PUM3: variants seen among roughly 807,000 people sequenced by gnomAD.
The protein encoded by PUM3 is pumilio homolog 3.
A neutral mutation model predicts 84.0 loss-of-function variants in PUM3; 91 were observed. That is an observed-to-expected ratio of 1.08 (90% CI 0.91 to 1.29). PUM3 has a LOEUF of 1.29. Among genes scored for constraint, PUM3 ranks in the 50% most tolerant of loss-of-function variants. PUM3 has a pLI of 0.00. For missense variants in PUM3, 1,067 were observed against 767.5 expected, an observed-to-expected ratio of 1.39 and a Z score of -4.61; for synonymous variants, 321 against 266.7, an observed-to-expected ratio of 1.20 and a Z score of -1.98.
intron 5 of PUM3, 148 bp downstream of exon 5, chr9:2,833,209 T>C (rs1260665027): frequency 4.8e-6 from 2 of 419,130 alleles, no homozygotes; most frequent in Non-Finnish European, 8.6e-6. Context: ...AATTTTTATG[T>C]AGTTCAGTGT....
At chr9:2,806,906 T>C (rs1390531374) in intron 17 of PUM3, among the ~76,000 whole-genome samples, 1 of 152,066 alleles carries the variant, frequency 6.6e-6, no homozygotes, top group African/African-American at 2.4e-5. Flanking sequence ...GGGATGTAAG[T>C]TATTCATTAA....
intron 13 of PUM3, among the ~76,000 whole-genome samples, chr9:2,816,109 A>G (rs929595035): frequency 6.6e-6 from 1 of 151,800 alleles, no homozygotes; most frequent in African/African-American, 2.4e-5. Context: ...CAACCCATCC[A>G]TGGTGCTGAA....
chr9:2,822,727 ACAT>A (rs1815686477), intron 12 of PUM3, among the ~76,000 whole-genome samples: 1 of 109,962 alleles, frequency 9.1e-6, no homozygotes, highest in Non-Finnish European at 2.0e-5. Context: ...TATATTTATA[ACAT>A]AATAATATAA....
chr9:2,828,716 A>C lies in PUM3; in HGVS notation c.915T>G (p.Ile305Met), dbSNP rs555602821. Reference protein sequence around the residue: ...LEVQPEKLELIMDEMKQILTP... With the variant: ...LEVQPEKLELMMDEMKQILTP... ...TTAGAATCTGTTTCATTTCATCCATAATAAGTTCTAATTTTTCTGGCTGTA... is the reference window on the plus strand; with the variant it reads ...TTAGAATCTGTTTCATTTCATCCATCATAAGTTCTAATTTTTCTGGCTGTA... The change falls in exon 9 of 18, where the codon ATT (isoleucine) becomes ATG (methionine). Residue 305 changes from isoleucine (I) to methionine (M), a missense_variant. Physicochemically the swap from Ile to Met is conservative, Grantham distance 10. Transcript: ENST00000397885. The C allele has an allele frequency of 1.1e-5, 17 of 1,608,762 alleles. No individual in the cohort carries two copies. In the East Asian group the frequency reaches 2.0e-4, roughly 19 times the overall value.
chr9:2,842,191 T>G (rs965100314), intron 1 of PUM3, among the ~76,000 whole-genome samples: 2 of 152,202 alleles, frequency 1.3e-5, no homozygotes, highest in African/African-American at 2.4e-5. Flanking sequence ...TTCAATAGTG[T>G]CTCTTGGAAT....
intron 8 of PUM3, 70 bp downstream of exon 8, chr9:2,829,704 G>C: frequency 7.7e-7 from 1 of 1,305,928 alleles, no homozygotes; most frequent in Non-Finnish European, 1.1e-6. Context: ...AAGATATATA[G>C]GGCACCGGAA....
chr9:2,808,696 G>C (rs1313473695), intron 16 of PUM3, among the ~76,000 whole-genome samples: 1 of 152,164 alleles, frequency 6.6e-6, no homozygotes, highest in African/African-American at 2.4e-5. Context: ...CTGCTAAAGA[G>C]GGACAGAGTT....
In PUM3 at chr9:2,831,272, G is replaced by C; in HGVS notation, c.589C>G (p.Gln197Glu). The C allele has an allele frequency of 6.2e-7, 1 of 1,604,234 alleles. No individual in the cohort carries two copies. The highest frequency in any genetic ancestry group is 2.2e-5 in the East Asian group (1 of 44,764). Residue 197 changes from glutamine (Q) to glutamate (E), a missense_variant, in exon 6 of 18, where the codon CAG (glutamine) becomes GAG (glutamate). By Grantham distance (29) the Gln-to-Glu change is conservative. Transcript: ENST00000397885. The stretch of plus-strand genomic sequence containing the variant: ...ATACCTCGCAATTCTTCAAAAGCCT[G>C]TTTTCTCTGTTCTTCATTACCATAC... ...IQYGNEEQRK[Q>E]AFEELRDDLV... is the part of the protein sequence containing the mutation.
chr9:2,811,659 T>C, intron 14 of PUM3, 76 bp from the exon 15 acceptor site: 1 of 1,022,788 alleles, frequency 9.8e-7, no homozygotes, highest in East Asian at 2.4e-5. Flanking sequence ...CACAAAAACC[T>C]CTAAGAGCTT....
chr9:2,831,004 GCTTTA>G lies in PUM3; in HGVS notation c.630_634del (p.Lys211GlnfsTer8), dbSNP rs1815962802. 6.7e-7 allele frequency: 1 copy of G among 1,492,454 alleles called. No individual in the cohort carries two copies. Among genetic ancestry groups the G allele is most frequent in the Admixed American group, 1.7e-5 (1 of 57,798 alleles). 92.5% of individuals were successfully genotyped at this position (1,492,454 alleles called of 1,614,324 possible). The stretch of plus-strand genomic sequence containing the variant: ...CTTAACAATATTTCTCGAATATTTG[GCTTTA>G]CTTAACTCAACCAAATCATCTGAAA... On this transcript the variant is annotated frameshift_variant, in exon 7 of 18. Transcript: ENST00000397885. LOFTEE classifies it high-confidence loss of function.
At chr9:2,806,966 T>C (rs1032571109) in intron 17 of PUM3, among the ~76,000 whole-genome samples, 1 of 152,042 alleles carries the variant, frequency 6.6e-6, no homozygotes, top group African/African-American at 2.4e-5. Flanking sequence ...CCCAGCACTT[T>C]GGGAGCCCGA....
chr9:2,821,063 C>A (rs1017877682), intron 12 of PUM3, among the ~76,000 whole-genome samples: 16 of 152,086 alleles, frequency 1.1e-4, no homozygotes, highest in African/African-American at 3.9e-4. Context: ...CAATTAGAAA[C>A]AATAACGAAG....
chr9:2,816,975 C>A (rs1821483218), intron 13 of PUM3, among the ~76,000 whole-genome samples: 1 of 152,204 alleles, frequency 6.6e-6, no homozygotes, highest in Non-Finnish European at 1.5e-5. Flanking sequence ...TTTAAAAGCA[C>A]TGCGTAATGC....
intron 17 of PUM3, among the ~76,000 whole-genome samples, chr9:2,807,006 A>G (rs919857753): frequency 4.0e-5 from 6 of 151,730 alleles, no homozygotes; most frequent in African/African-American, 1.5e-4. Flanking sequence ...CAGGAGATCG[A>G]GACCATCCTG....
intron 10 of PUM3, among the ~76,000 whole-genome samples, chr9:2,825,869 A>G (rs1303812532): frequency 2.0e-5 from 3 of 152,188 alleles, no homozygotes; most frequent in Non-Finnish European, 2.9e-5. Flanking sequence ...TTCCCAATTT[A>G]AAAATGTACA....
At position 2,831,001 on chromosome 9, in the gene PUM3, T is replaced by C. The variant is rs1815962587; in HGVS notation, c.638A>G (p.Lys213Arg). ...TTTCTTAACAATATTTCTCGAATAT[T>C]TGGCTTTACTTAACTCAACCAAATC... ...RDDLVELSKA[K>R]YSRNIVKKFL... The change falls in exon 7 of 18, where the codon AAA (lysine) becomes AGA (arginine). Residue 213 changes from lysine (K) to arginine (R), a missense_variant. Coordinates refer to ENST00000397885, the MANE Select transcript of PUM3 (RefSeq NM_014878.5). 2.0e-6 allele frequency: 3 copies of C among 1,492,974 alleles called. No individual in the cohort carries two copies. The highest frequency in any genetic ancestry group is 1.7e-4 in the Middle Eastern group (1 of 5,836). The allele number at this position is 1,492,974 out of a possible 1,614,324, so 92.5% of individuals were successfully genotyped here.
Position 2,811,548 on chromosome 9 carries a change from A to C in PUM3, c.1448T>G (p.Leu483Arg). 1 of 1,614,126 alleles carries C rather than the reference A, an allele frequency of 6.2e-7. No individual in the cohort carries two copies. Among genetic ancestry groups the C allele is most frequent in the Non-Finnish European group, 8.5e-7 (1 of 1,179,986 alleles). Residue 483 changes from leucine (L) to arginine (R), a missense_variant, in exon 15 of 18, where the codon CTA becomes CGA. Leu to Arg is a moderately radical substitution (Grantham distance 102). Transcript: ENST00000397885. ...KDTEVRRREL[L>R]ESISPALLSY... The stretch of plus-strand genomic sequence containing the variant: ...TAACAAAGCTGGAGAAATGGATTCT[A>C]GGAGCTCCCGTCTGCGGACCTCTGT...
intron 3 of PUM3, among the ~76,000 whole-genome samples, chr9:2,835,497 C>T (rs768482176): frequency 1.3e-5 from 2 of 152,198 alleles, no homozygotes; most frequent in Non-Finnish European, 1.5e-5. Context: ...TCCTCAAGAA[C>T]ATAATTTTTA....
At chr9:2,810,312 G>T in intron 16 of PUM3, 32 bp downstream of exon 16, 1 of 1,377,572 alleles carries the variant, frequency 7.3e-7, no homozygotes, top group Non-Finnish European at 1.0e-6. Context: ...TTCCACATGA[G>T]ATACAAGAAA....
Sources: allele counts gnomAD v4.1 joint callset (sites outside exome capture counted in the v4.1 genomes callset), GRCh38; gene constraint gnomAD v4.1.1; transcripts MANE v1.5; gene names NCBI Gene and HGNC (gene_info 2026-07-23, HGNC 2026-07-21).